Variants in BNC2 observed in about 807,000 individuals in gnomAD.
BNC2 encodes the protein zinc finger protein basonuclin-2.
BNC2 carries 20 observed loss-of-function variants against 76.3 expected under a neutral mutation model. The observed-to-expected ratio is 0.26, with a 90% CI of 0.18 to 0.38. The LOEUF (loss-of-function observed/expected upper bound fraction) is 0.38. Among genes scored for constraint, BNC2 ranks in the 10% least tolerant of loss-of-function variants. The pLI, the probability that BNC2 is intolerant of heterozygous loss-of-function variation, is 1.00. For synonymous variants in BNC2, 582 were observed against 514.8 expected (o/e 1.13, Z -1.77); for missense variants, 1,382 against 1,399.8 (o/e 0.99, Z 0.20).
intron 1 of BNC2, among the ~76,000 whole-genome samples, chr9:16,835,501 C>T (rs867284064): frequency 3.3e-5 from 5 of 151,804 alleles, no homozygotes; most frequent in African/African-American, 1.2e-4. Flanking sequence ...GAGTTCGAGG[C>T]CAGCCTGACC....
intron 1 of BNC2, among the ~76,000 whole-genome samples, chr9:16,821,031 G>C (rs1343387060): frequency 6.6e-6 from 1 of 151,882 alleles, no homozygotes; most frequent in South Asian, 2.1e-4. Context: ...CCAGGAATTC[G>C]AGACCAGCCT....
chr9:16,818,097 A>G (rs1818226447), intron 1 of BNC2, among the ~76,000 whole-genome samples: 1 of 152,174 alleles, frequency 6.6e-6, no homozygotes, highest in Non-Finnish European at 1.5e-5. Flanking sequence ...AACTGCAACT[A>G]TAAAATAAAA....
At chr9:16,725,952 G>C (rs1824302461) in intron 3 of BNC2, among the ~76,000 whole-genome samples, 1 of 150,232 alleles carries the variant, frequency 6.7e-6, no homozygotes, top group African/African-American at 2.5e-5. Context: ...CTCTTTTCTA[G>C]CTAGAGGGAG....
intron 2 of BNC2, among the ~76,000 whole-genome samples, chr9:16,736,963 T>C (rs1280031865): frequency 2.0e-5 from 3 of 150,084 alleles, no homozygotes; most frequent in Non-Finnish European, 4.4e-5. Flanking sequence ...TGCACCTCCA[T>C]GCCCGGCTAA....
At position 16,412,720 on chromosome 9, in the gene BNC2, G is replaced by GGGGA. The variant is rs1302842819; in HGVS notation, c.*6268_*6269insTCCC. 36 of 119,950 alleles carry GGGGA rather than the reference G, an allele frequency of 3.0e-4. No individual in the cohort carries two copies. The highest frequency in any genetic ancestry group is 6.2e-4 in the Non-Finnish European group (34 of 54,614). 7.4% of individuals were successfully genotyped at this position (119,950 alleles called of 1,614,324 possible). A position where few individuals can be genotyped will look rare whatever the true frequency, so the allele number is the denominator to read the frequency against. On this transcript the variant is annotated 3_prime_UTR_variant, in exon 7 of 7. Coordinates refer to ENST00000380672, the MANE Select transcript of BNC2 (RefSeq NM_017637.6). ...AATAAGAGGGAAGGAGAGAGAGAGG[G>GGGGA]GAGAGAGAGAGAGAGAGAGAGAGAG...
intron 1 of BNC2, among the ~76,000 whole-genome samples, chr9:16,850,934 C>T (rs1039324336): frequency 6.6e-6 from 1 of 152,032 alleles, no homozygotes; most frequent in Non-Finnish European, 1.5e-5. Context: ...GCACCAAAGA[C>T]GCTTAGAAGA....
At chr9:16,621,003 C>T (rs1392227005) in intron 3 of BNC2, among the ~76,000 whole-genome samples, 1 of 152,210 alleles carries the variant, frequency 6.6e-6, no homozygotes, top group Non-Finnish European at 1.5e-5. Context: ...GCTGTTGTCA[C>T]AGAGCCAGGG....
At chr9:16,604,693 T>A (rs1820333397) in intron 3 of BNC2, among the ~76,000 whole-genome samples, 1 of 151,914 alleles carries the variant, frequency 6.6e-6, no homozygotes, top group South Asian at 2.1e-4. Context: ...TAATCCCAGC[T>A]ACTTGGAGGC....
chr9:16,705,518 A>G (rs1186237784), intron 3 of BNC2, among the ~76,000 whole-genome samples: 2 of 152,154 alleles, frequency 1.3e-5, no homozygotes, highest in Non-Finnish European at 2.9e-5. Flanking sequence ...CACACTGCGC[A>G]GGCCATTTGC....
chr9:16,781,246 G>GGTCTGGATTCAAGACCTCATGTT, intron 1 of BNC2, among the ~76,000 whole-genome samples: 1 of 151,932 alleles, frequency 6.6e-6, no homozygotes, highest in South Asian at 2.1e-4. Flanking sequence ...AAGGTCTGAA[G>GGTCTGGATTCAAGACCTCATGTT]ATCAGGGCTG....
chr9:16,798,482 G>C (rs1052769769), intron 1 of BNC2, among the ~76,000 whole-genome samples: 1 of 152,114 alleles, frequency 6.6e-6, no homozygotes, highest in Non-Finnish European at 1.5e-5. Flanking sequence ...GTATGACAAA[G>C]TTCAGAGGTT....
chr9:16,757,725 A>G (rs74305147), intron 1 of BNC2, among the ~76,000 whole-genome samples: 79 of 17,668 alleles, frequency 4.5e-3, no homozygotes, highest in Admixed American at 5.8e-3. Context: ...TTTTAAAAAG[A>G]AAAAAAAAAA....
intron 1 of BNC2, among the ~76,000 whole-genome samples, chr9:16,750,938 C>T (rs1259537599): frequency 6.6e-6 from 1 of 152,202 alleles, no homozygotes; most frequent in African/African-American, 2.4e-5. Flanking sequence ...CTTCCACTGA[C>T]TGGTACTTCA....
At chr9:16,837,993 G>A (rs1027363376) in intron 1 of BNC2, among the ~76,000 whole-genome samples, 3 of 151,866 alleles carry the variant, frequency 2.0e-5, no homozygotes, top group African/African-American at 7.3e-5. Flanking sequence ...TATGATACCT[G>A]GTATAAAAAC....
At chr9:16,701,157 CTCTA>C (rs1823499796) in intron 3 of BNC2, among the ~76,000 whole-genome samples, 1 of 152,156 alleles carries the variant, frequency 6.6e-6, no homozygotes, top group Admixed American at 6.5e-5. Flanking sequence ...GGGACTGTGG[CTCTA>C]TCTCTTTTCA....
At chr9:16,519,890 C>A (rs1029438417) in intron 5 of BNC2, among the ~76,000 whole-genome samples, 9 of 152,110 alleles carry the variant, frequency 5.9e-5, no homozygotes, top group African/African-American at 2.2e-4. Context: ...AGTTATGTTC[C>A]AGTGGAGGAC....
chr9:16,716,526 G>C (rs1026044997), intron 3 of BNC2, among the ~76,000 whole-genome samples: 1 of 151,842 alleles, frequency 6.6e-6, no homozygotes, highest in African/African-American at 2.4e-5. Flanking sequence ...CAATCACAAC[G>C]ACACAGCATT....
chr9:16,861,796 T>C (rs1819416456), intron 1 of BNC2, among the ~76,000 whole-genome samples: 1 of 152,202 alleles, frequency 6.6e-6, no homozygotes, highest in Admixed American at 6.5e-5. Flanking sequence ...GAGACCATCC[T>C]GGCTAACACA....
At chr9:16,705,992 G>C (rs1181387254) in intron 3 of BNC2, among the ~76,000 whole-genome samples, 2 of 120,046 alleles carry the variant, frequency 1.7e-5, no homozygotes, top group South Asian at 3.4e-4. Context: ...TGCTTGTGCA[G>C]AGAGTTCTGC....
Sources: gnomAD v4.1 joint callset for allele counts (sites outside exome capture counted in the v4.1 genomes callset) on GRCh38, gnomAD v4.1.1 for gene constraint, MANE v1.5 for transcripts, NCBI Gene and HGNC (gene_info 2026-07-23, HGNC 2026-07-21) for gene names.